Variants in NFATC2 observed in about 807,000 individuals in gnomAD.
NFATC2 encodes nuclear factor of activated T-cells, cytoplasmic 2.
A neutral mutation model predicts 87.3 loss-of-function variants in NFATC2; 22 were observed. The ratio of observed to expected loss-of-function variants is 0.25; its 90% CI spans 0.18 to 0.36. The LOEUF is 0.36. Ranked by LOEUF, NFATC2 falls within the 10% of genes least tolerant of loss-of-function variation. NFATC2 has a pLI of 1.00. For synonymous variants in NFATC2, 565 were observed against 542.2 expected, an observed-to-expected ratio of 1.04 and a Z score of -0.58; for missense variants, 1,149 against 1,259.1, an observed-to-expected ratio of 0.91 and a Z score of 1.32.
At chr20:51,397,154 A>T (rs1287001358) in intron 10 of NFATC2, among the ~76,000 whole-genome samples, 1 of 152,206 alleles carries the variant, frequency 6.6e-6, no homozygotes, top group African/African-American at 2.4e-5. Flanking sequence ...TGCTGGGATT[A>T]CAGGCGTGAG....
chr20:51,509,359 C>T (rs966004752), intron 3 of NFATC2, among the ~76,000 whole-genome samples: 2 of 152,190 alleles, frequency 1.3e-5, no homozygotes, highest in African/African-American at 4.8e-5. Flanking sequence ...GGATTTTTGC[C>T]TGTGGTTCAC....
At chr20:51,422,674 G>T (rs766369685) in intron 9 of NFATC2, among the ~76,000 whole-genome samples, 1 of 151,166 alleles carries the variant, frequency 6.6e-6, no homozygotes, top group Admixed American at 6.6e-5. Flanking sequence ...GTTACTTGAA[G>T]GCAGCACACA....
intron 9 of NFATC2, among the ~76,000 whole-genome samples, chr20:51,411,186 G>C (rs148934579): frequency 2.0e-3 from 305 of 152,264 alleles, no homozygotes; most frequent in African/African-American, 7.0e-3. Context: ...AAAGGGCCTC[G>C]ATCAGAGTTA....
chr20:51,469,338 C>T (rs6091327), intron 5 of NFATC2, among the ~76,000 whole-genome samples: 1 of 152,066 alleles, frequency 6.6e-6, no homozygotes, highest in Non-Finnish European at 1.5e-5. Flanking sequence ...TTTTTTAATA[C>T]AACTCCCGGG....
rs1296852940 is a variant in NFATC2, at chr20:51,435,233, C to T, written c.1987G>A (p.Gly663Arg). 3 of 1,614,186 alleles carry T rather than the reference C, an allele frequency of 1.9e-6. No individual in the cohort carries two copies. In the South Asian group the frequency reaches 3.3e-5, roughly 18 times the overall value. ...TGAGGCTGACTTCGTTTTCTCTTCC[C>T]ATTGATGACGTAGAAGTTCACTTTT... ...PVKVNFYVIN[G>R]KRKRSQPQHF... Residue 663 changes from glycine (G) to arginine (R), a missense_variant, in exon 8 of 11, where the codon GGG becomes AGG. Gly to Arg is a moderately radical substitution (Grantham distance 125). This residue lies in a region of NFATC2 where 581 missense variants were observed against 649.7 expected (regional missense o/e 0.89). Coordinates refer to ENST00000371564, the MANE Select transcript of NFATC2 (RefSeq NM_012340.5).
At chr20:51,450,986 A>T (rs1312055319) in intron 6 of NFATC2, among the ~76,000 whole-genome samples, 1 of 152,220 alleles carries the variant, frequency 6.6e-6, no homozygotes, top group Admixed American at 6.5e-5. Flanking sequence ...AAACTCCCAG[A>T]GTGCTTAAAA....
At chr20:51,440,128 T>A (rs547700687) in intron 6 of NFATC2, among the ~76,000 whole-genome samples, 3 of 150,848 alleles carry the variant, frequency 2.0e-5, no homozygotes, top group Non-Finnish European at 4.4e-5. Context: ...TCCCAGCTAC[T>A]TGGGGAGCTG....
chr20:51,477,374 A>G (rs1487324164), intron 3 of NFATC2, among the ~76,000 whole-genome samples: 1 of 151,914 alleles, frequency 6.6e-6, no homozygotes, highest in Non-Finnish European at 1.5e-5. Context: ...TGACCACATC[A>G]TCACCTCTGT....
intron 9 of NFATC2, among the ~76,000 whole-genome samples, chr20:51,430,338 C>T (rs1322592757): frequency 6.6e-6 from 1 of 152,186 alleles, no homozygotes; most frequent in Non-Finnish European, 1.5e-5. Flanking sequence ...TGATCCTCCA[C>T]GTTCTGCCTT....
intron 3 of NFATC2, among the ~76,000 whole-genome samples, chr20:51,478,518 G>A (rs1217985875): frequency 2.0e-5 from 3 of 152,258 alleles, no homozygotes; most frequent in East Asian, 3.9e-4. Flanking sequence ...ACAGCTCCAT[G>A]TGAATCCAGC....
At chr20:51,494,022 C>T (rs2075945662) in intron 3 of NFATC2, among the ~76,000 whole-genome samples, 2 of 152,158 alleles carry the variant, frequency 1.3e-5, no homozygotes, top group African/African-American at 4.8e-5. Context: ...ATAATGGGTA[C>T]AGTGCCTGGC....
In NFATC2 at chr20:51,539,358, G is replaced by A. The variant is rs531474453; in HGVS notation, c.130+3012C>T. 1.6e-4 allele frequency among the ~76,000 whole-genome samples: 24 copies of A among 152,298 alleles called. No homozygotes were observed. In the East Asian group the frequency reaches 4.6e-3, roughly 29 times the overall value. ...GATTAAGGCTAGTGTTCACCCCTGA[G>A]GAGTCCCACCATACAGAAGCAAAGA... is the stretch of plus-strand genomic sequence containing the variant. On this transcript the variant is annotated intron_variant, in intron 1 of 10. Transcript: ENST00000371564.
chr20:51,410,735 G>A (rs143677146), intron 9 of NFATC2, among the ~76,000 whole-genome samples: 2 of 152,260 alleles, frequency 1.3e-5, no homozygotes, highest in Non-Finnish European at 1.5e-5. Context: ...CACATCTAGA[G>A]AGCATTCTAA....
intron 5 of NFATC2, among the ~76,000 whole-genome samples, chr20:51,455,951 A>G (rs866098497): frequency 8.7e-3 from 76 of 8,782 alleles, no homozygotes; most frequent in African/African-American, 0.014. Flanking sequence ...TGGATGGATG[A>G]GTGGATGGGT....
At chr20:51,411,651 C>G (rs1979280791) in intron 9 of NFATC2, among the ~76,000 whole-genome samples, 1 of 151,642 alleles carries the variant, frequency 6.6e-6, no homozygotes, top group African/African-American at 2.4e-5. Context: ...CCCCAGCCTC[C>G]TGAGTAGCTG....
intron 9 of NFATC2, among the ~76,000 whole-genome samples, chr20:51,418,096 T>C (rs1360602213): frequency 1.3e-5 from 2 of 152,192 alleles, no homozygotes; most frequent in Non-Finnish European, 1.5e-5. Context: ...CTGGGTGCTG[T>C]ACTAGGGAAC....
At chr20:51,541,374 T>C (rs895321047) in intron 1 of NFATC2, among the ~76,000 whole-genome samples, 4 of 151,732 alleles carry the variant, frequency 2.6e-5, no homozygotes, top group Non-Finnish European at 5.9e-5. Flanking sequence ...CCTGGTTGGG[T>C]TTTTTGTTTT....
chr20:51,427,830 G>A (rs1046980971), intron 9 of NFATC2, among the ~76,000 whole-genome samples: 2 of 152,098 alleles, frequency 1.3e-5, no homozygotes, highest in African/African-American at 4.8e-5. Flanking sequence ...CCACCCTCTC[G>A]CTCCTAACCC....
chr20:51,502,465 C>G (rs2076104735), intron 3 of NFATC2, among the ~76,000 whole-genome samples: 1 of 152,212 alleles, frequency 6.6e-6, no homozygotes, highest in Admixed American at 6.5e-5. Context: ...GCCAAGACTA[C>G]AGGCATGTTC....
Sources: gnomAD v4.1 joint callset for allele counts (sites outside exome capture counted in the v4.1 genomes callset) on GRCh38, gnomAD v4.1.1 for gene constraint, gnomAD v4.1.1 regional missense constraint, MANE v1.5 for transcripts, NCBI Gene and HGNC (gene_info 2026-07-23, HGNC 2026-07-21) for gene names.